REV1: variants seen among roughly 807,000 people sequenced by gnomAD.
The protein encoded by REV1 is translesion synthesis protein REV1.
REV1 carries 42 observed loss-of-function variants against 137.4 expected under a neutral mutation model. That is an observed-to-expected ratio of 0.31 (90% CI 0.24 to 0.40). The LOEUF is 0.40. Among genes scored for constraint, REV1 ranks in the 10% least tolerant of loss-of-function variants. The pLI is 1.00. For missense variants in REV1, 1,282 were observed against 1,490.1 expected (o/e 0.86, Z 2.30); for synonymous variants, 524 against 519.2 (o/e 1.01, Z -0.12).
intron 19 of REV1, 144 bp downstream of exon 19, chr2:99,403,551 T>C (rs910938884): frequency 9.1e-6 from 9 of 985,606 alleles, no homozygotes; most frequent in Middle Eastern, 2.2e-4. Flanking sequence ...TTACTCATAC[T>C]GTATACTTCA....
chr2:99,424,066 C>A (rs749294432), intron 10 of REV1, 86 bp downstream of exon 10: 75 of 1,382,036 alleles, frequency 5.4e-5, no homozygotes, highest in Non-Finnish European at 6.7e-5. Context: ...GTGATCCTGA[C>A]AATCCTAAAG....
chr2:99,427,436 A>C (rs893240536), intron 9 of REV1, among the ~76,000 whole-genome samples: 1 of 152,200 alleles, frequency 6.6e-6, no homozygotes, highest in African/African-American at 2.4e-5. Context: ...ACAGCAGTGC[A>C]AACTGTGACC....
chr2:99,403,614 T>C, intron 19 of REV1, 81 bp downstream of exon 19: 1 of 1,590,010 alleles, frequency 6.3e-7, no homozygotes, highest in Non-Finnish European at 8.6e-7. Context: ...ACTTTGCCCA[T>C]TATATACTGC....
chr2:99,431,518 A>T (rs1280660819), intron 8 of REV1, among the ~76,000 whole-genome samples: 3 of 151,676 alleles, frequency 2.0e-5, no homozygotes, highest in African/African-American at 4.9e-5. Flanking sequence ...AAGCTTGAAC[A>T]GCCACAACCA....
intron 10 of REV1, among the ~76,000 whole-genome samples, chr2:99,422,965 G>A (rs746293834): frequency 6.6e-5 from 10 of 152,118 alleles, no homozygotes; most frequent in African/African-American, 9.7e-5. Flanking sequence ...TTTAAAGCAC[G>A]TTCCACTTGA....
chr2:99,423,727 G>C (rs142001590), intron 10 of REV1, among the ~76,000 whole-genome samples: 42 of 152,190 alleles, frequency 2.8e-4, no homozygotes, highest in Non-Finnish European at 4.4e-5. Flanking sequence ...ATGATTTTAA[G>C]AAGATAAAGG....
chr2:99,409,800 A>G (rs1317887103), intron 14 of REV1, among the ~76,000 whole-genome samples: 1 of 138,648 alleles, frequency 7.2e-6, no homozygotes, highest in East Asian at 2.5e-4. Flanking sequence ...CCGAGATCGC[A>G]CCACTGCCCT....
intron 3 of REV1, among the ~76,000 whole-genome samples, chr2:99,459,343 A>G (rs1218276882): frequency 6.6e-6 from 1 of 152,162 alleles, no homozygotes; most frequent in African/African-American, 2.4e-5. Context: ...TAAAGGGTTC[A>G]CAGTATCACT....
intron 9 of REV1, among the ~76,000 whole-genome samples, chr2:99,429,236 T>C (rs1045979944): frequency 2.0e-5 from 3 of 152,164 alleles, no homozygotes; most frequent in African/African-American, 7.2e-5. Context: ...AAGATATATA[T>C]ATATGAGTGT....
chr2:99,438,977 C>T lies in REV1; in HGVS notation c.837G>A (p.Leu279=), dbSNP rs753307508. ...TDFRDCTLQQ[L]QQSTRNTDAL... ...CATCTGTGTTTCTGGTGCTTTGCTG[C>T]AACTGCTGCAGAGTGCAGTCTCTGA... The change falls in exon 6 of 23, where the codon TTG becomes TTA. Residue 279 remains leucine (L), a synonymous_variant. Coordinates refer to ENST00000258428, the MANE Select transcript of REV1 (RefSeq NM_016316.4). The T allele has an allele frequency of 1.7e-5, 28 of 1,614,084 alleles. No homozygotes were observed. The East Asian group carries it at 5.6e-4, about 32-fold the overall frequency.
chr2:99,481,302 TAC>T (rs1186182018), intron 1 of REV1, among the ~76,000 whole-genome samples: 1 of 152,206 alleles, frequency 6.6e-6, no homozygotes, highest in East Asian at 1.9e-4. Flanking sequence ...GTATCAAGTA[TAC>T]AGTTTATAAC....
intron 9 of REV1, 84 bp downstream of exon 9, chr2:99,429,756 T>G: frequency 1.4e-6 from 1 of 729,990 alleles, no homozygotes; most frequent in Non-Finnish European, 1.9e-6. Flanking sequence ...TAAATCCACT[T>G]CAAAAGATTA....
chr2:99,457,722 C>T (rs569622790), intron 3 of REV1, among the ~76,000 whole-genome samples: 1 of 151,602 alleles, frequency 6.6e-6, no homozygotes, highest in African/African-American at 2.4e-5. Context: ...GGCGTAGGTC[C>T]TAGAATAGCC....
At position 99,402,753 on chromosome 2, in the gene REV1, C is replaced by T. The variant is rs1367690549; in HGVS notation, c.3432G>A (p.Leu1144=). ...TCACACAGCCAGCTGGGTCAGACTG[C>T]AAACTAGAAAGGCCTGGCACACCTG... ...STSGVPGLSS[L]QSDPAGCVRP... The change falls in exon 21 of 23, where the codon TTG becomes TTA. Residue 1144 remains leucine (L), a synonymous_variant. Transcript: ENST00000258428. 1 of 1,614,036 alleles carries T rather than the reference C, an allele frequency of 6.2e-7. No individual in the cohort carries two copies. The highest frequency in any genetic ancestry group is 1.7e-5 in the Admixed American group (1 of 59,996).
chr2:99,409,542 C>T (rs1384670696), intron 14 of REV1, among the ~76,000 whole-genome samples: 1 of 152,148 alleles, frequency 6.6e-6, no homozygotes, highest in African/African-American at 2.4e-5. Context: ...TTGGCCCTGA[C>T]ATAAAAGACG....
chr2:99,486,580 T>C (rs1687166169), intron 1 of REV1, among the ~76,000 whole-genome samples: 1 of 151,864 alleles, frequency 6.6e-6, no homozygotes, highest in Non-Finnish European at 1.5e-5. Context: ...ATTAACTCAA[T>C]TATTACTCAC....
intron 12 of REV1, among the ~76,000 whole-genome samples, chr2:99,413,320 TTACAG>T (rs1677442323): frequency 6.6e-6 from 1 of 152,230 alleles, no homozygotes. Flanking sequence ...ATAGTGTGAC[TTACAG>T]ACATACTAAC....
chr2:99,445,774 A>ATTCC (rs1208046104), intron 4 of REV1, among the ~76,000 whole-genome samples: 10 of 152,198 alleles, frequency 6.6e-5, no homozygotes, highest in African/African-American at 2.4e-4. Flanking sequence ...TCATGAAAGG[A>ATTCC]TTCCCTTGCC....
chr2:99,447,958 A>C (rs1682437954), intron 4 of REV1, among the ~76,000 whole-genome samples: 1 of 152,046 alleles, frequency 6.6e-6, no homozygotes, highest in South Asian at 2.1e-4. Flanking sequence ...GGCCTCCCAA[A>C]GTGCTGGGAT....
Sources: allele counts gnomAD v4.1 joint callset (sites outside exome capture counted in the v4.1 genomes callset), GRCh38; gene constraint gnomAD v4.1.1; transcripts MANE v1.5; gene names NCBI Gene and HGNC (gene_info 2026-07-23, HGNC 2026-07-21).